The following GFRA1 variants were observed in gnomAD, a reference collection of about 807,000 sequenced individuals.
The protein encoded by GFRA1 is GDNF family receptor alpha 1.
A neutral mutation model predicts 51.6 loss-of-function variants in GFRA1; 16 were observed. The ratio of observed to expected loss-of-function variants is 0.31; its 90% CI spans 0.21 to 0.47. The LOEUF is 0.47. GFRA1 is among the 20% of genes least tolerant of loss of function. The pLI, the probability that GFRA1 is intolerant of heterozygous loss-of-function variation, is 1.00. For synonymous variants in GFRA1, 270 were observed against 241.3 expected, an observed-to-expected ratio of 1.12 and a Z score of -1.10; for missense variants, 530 against 594.3, an observed-to-expected ratio of 0.89 and a Z score of 1.13.
intron 10 of GFRA1, 119 bp downstream of exon 10, chr10:116,065,454 G>C (rs1381543751): frequency 2.5e-6 from 2 of 813,594 alleles, no homozygotes; most frequent in East Asian, 2.7e-5. Context: ...GGGTGGCTTA[G>C]ATTTCTTGTG....
intron 4 of GFRA1, among the ~76,000 whole-genome samples, chr10:116,254,738 T>G (rs1968690764): frequency 6.6e-6 from 1 of 152,240 alleles, no homozygotes; most frequent in Admixed American, 6.5e-5. Context: ...ACGGACATCT[T>G]GATCCTTGCT....
rs138079701 is a variant in GFRA1 at position 116,092,891 on chromosome 10, T to G, written c.1015+811A>C. ...GGTTGCAATTTTCAAGTATCTCAGC[T>G]GGATCGTCATCTAGGGTGTGCATAT... On this transcript the variant is annotated intron_variant, in intron 8 of 10. Transcript: ENST00000355422. Among the ~76,000 whole-genome samples the G allele has an allele frequency of 2.2e-3, 340 of 152,348 alleles. 1 individual carries two copies. Among genetic ancestry groups the G allele is most frequent in the Non-Finnish European group, 3.4e-3 (233 of 68,034 alleles).
chr10:116,256,030 C>T (rs1289217532), intron 4 of GFRA1, among the ~76,000 whole-genome samples: 2 of 152,144 alleles, frequency 1.3e-5, no homozygotes, highest in Middle Eastern at 3.2e-3. Context: ...AAGGCGCTGG[C>T]AGTCATCCAC....
intron 5 of GFRA1, among the ~76,000 whole-genome samples, chr10:116,138,944 T>G (rs1344126409): frequency 6.6e-6 from 1 of 152,204 alleles, no homozygotes; most frequent in Non-Finnish European, 1.5e-5. Flanking sequence ...AATTTTTACA[T>G]TAAAATTCCT....
chr10:116,203,461 T>C (rs1050232329), intron 5 of GFRA1, among the ~76,000 whole-genome samples: 5 of 152,156 alleles, frequency 3.3e-5, no homozygotes, highest in African/African-American at 7.2e-5. Flanking sequence ...AGCTGGCTGA[T>C]AGATGCAGCC....
chr10:116,203,872 G>A (rs143609514), intron 5 of GFRA1, among the ~76,000 whole-genome samples: 1 of 152,352 alleles, frequency 6.6e-6, no homozygotes, highest in African/African-American at 2.4e-5. Context: ...TACGCTATGG[G>A]AAAAGCACAA....
At chr10:116,229,368 C>CT (rs147729562) in intron 4 of GFRA1, among the ~76,000 whole-genome samples, 3,500 of 152,182 alleles carry the variant, frequency 0.023, 127 homozygotes, top group African/African-American at 0.08. Context: ...ATGACCCAGT[C>CT]TAAGATGAGA....
chr10:116,096,144 C>T (rs1384038372), intron 7 of GFRA1, among the ~76,000 whole-genome samples: 1 of 152,162 alleles, frequency 6.6e-6, no homozygotes, highest in Non-Finnish European at 1.5e-5. Context: ...AAATCACCCA[C>T]TGCACACTGG....
rs1954756749 is a variant in GFRA1, at chr10:116,060,490, C to G, written c.*3908G>C. ...CAGCGGACTCTCAGATCCATTCACCCTTGGAACATGGCCCACTGTTGCACC... is the reference window on the plus strand; with the variant it reads ...CAGCGGACTCTCAGATCCATTCACCGTTGGAACATGGCCCACTGTTGCACC... On this transcript the variant is annotated 3_prime_UTR_variant, in exon 11 of 11. Transcript: ENST00000355422. The G allele has an allele frequency of 6.6e-6, 1 of 152,226 alleles. No individual in the cohort carries two copies. The allele number at this position is 152,226 out of a possible 1,614,324, so 9.4% of individuals were successfully genotyped here.
chr10:116,094,715 C>T (rs1589783146), intron 7 of GFRA1, among the ~76,000 whole-genome samples: 1 of 152,150 alleles, frequency 6.6e-6, no homozygotes, highest in South Asian at 2.1e-4. Flanking sequence ...TAATTTTGTT[C>T]TAAACTTCTC....
intron 5 of GFRA1, among the ~76,000 whole-genome samples, chr10:116,189,408 T>C (rs17094332): frequency 0.014 from 2,110 of 152,262 alleles, 59 homozygotes; most frequent in African/African-American, 0.048. Context: ...TATTCATGTA[T>C]GTTTCTTTTC....
At chr10:116,205,596 G>GAGAGAGAGATAT (rs1964679507) in intron 5 of GFRA1, among the ~76,000 whole-genome samples, 6 of 140,608 alleles carry the variant, frequency 4.3e-5, no homozygotes, top group African/African-American at 1.5e-4. Context: ...AAAAAAAAAA[G>GAGAGAGAGATAT]ATATATATAT....
intron 4 of GFRA1, among the ~76,000 whole-genome samples, chr10:116,237,804 T>C (rs751675706): frequency 6.6e-5 from 10 of 152,160 alleles, no homozygotes; most frequent in Non-Finnish European, 1.5e-4. Flanking sequence ...TCCTAGAATG[T>C]ATGCAAGCTT....
At chr10:116,130,500 T>C (rs1958062111) in intron 5 of GFRA1, among the ~76,000 whole-genome samples, 1 of 152,068 alleles carries the variant, frequency 6.6e-6, no homozygotes, top group Non-Finnish European at 1.5e-5. Flanking sequence ...CTAACCTTTC[T>C]CAAGGTTTAC....
chr10:116,248,392 G>T (rs1370656263), intron 4 of GFRA1, among the ~76,000 whole-genome samples: 2 of 152,100 alleles, frequency 1.3e-5, no homozygotes, highest in African/African-American at 2.4e-5. Flanking sequence ...AGCCTTACAG[G>T]GCATGAAGGG....
At chr10:116,105,223 T>G (rs1397362279) in intron 6 of GFRA1, among the ~76,000 whole-genome samples, 1 of 152,232 alleles carries the variant, frequency 6.6e-6, no homozygotes, top group East Asian at 1.9e-4. Context: ...TAAAACTCTT[T>G]AAGAGTAAAC....
chr10:116,216,094 G>A (rs1178404807), intron 4 of GFRA1, among the ~76,000 whole-genome samples: 1 of 152,158 alleles, frequency 6.6e-6, no homozygotes, highest in Non-Finnish European at 1.5e-5. Flanking sequence ...ACACCCTAGA[G>A]ATCTTTAATG....
At chr10:116,091,384 G>A (rs1338506632) in intron 8 of GFRA1, among the ~76,000 whole-genome samples, 1 of 152,158 alleles carries the variant, frequency 6.6e-6, no homozygotes, top group Non-Finnish European at 1.5e-5. Context: ...AATACACTAG[G>A]CAGTGAGAAA....
chr10:116,271,496 C>T (rs1843933630), intron 2 of GFRA1, among the ~76,000 whole-genome samples: 1 of 152,108 alleles, frequency 6.6e-6, no homozygotes, highest in Admixed American at 6.5e-5. Context: ...GAAACTCAGG[C>T]GCTTTCCGAG....
Sources: gnomAD v4.1 joint callset for allele counts (sites outside exome capture counted in the v4.1 genomes callset) on GRCh38, gnomAD v4.1.1 for gene constraint, MANE v1.5 for transcripts, NCBI Gene and HGNC (gene_info 2026-07-23, HGNC 2026-07-21) for gene names.